Variants in FAAP20 observed in about 807,000 individuals in gnomAD.
FAAP20 encodes the protein FA core complex associated protein 20.
In FAAP20, 12 loss-of-function variants were observed where a neutral mutation model predicts 16.2. The observed-to-expected ratio is 0.74, with a 90% CI of 0.48 to 1.20. The LOEUF (loss-of-function observed/expected upper bound fraction) is 1.20. FAAP20 is among the 50% of genes most tolerant of loss of function. The pLI is 0.00. For missense variants in FAAP20, 288 were observed against 245.8 expected (o/e 1.17, Z -1.15); for synonymous variants, 141 against 110.7 (o/e 1.27, Z -1.72).
upstream of FAAP20, among the ~76,000 whole-genome samples, chr1:2,197,176 G>A (rs1688860518): frequency 6.6e-6 from 1 of 152,222 alleles, no homozygotes; most frequent in Non-Finnish European, 1.5e-5. Context: ...CCATGTGAGG[G>A]ACACCTGTGT....
chr1:2,197,942 T>C (rs1161473471), upstream of FAAP20: 1 of 1,252,980 alleles, frequency 8.0e-7, no homozygotes, highest in African/African-American at 1.5e-5. Context: ...GCCGAGGGCC[T>C]GGAAGGGGAC....
At chr1:2,187,285 C>CTT (rs70954587), downstream of FAAP20, 575 of 327,122 alleles carry the variant, frequency 1.8e-3, no homozygotes, top group South Asian at 4.9e-3. Flanking sequence ...AAGCCATTTT[C>CTT]TTTTTTTTTT....
chr1:2,193,934 T>A, intron 2 of FAAP20, 24 bp from the exon 3 acceptor site: 1 of 1,612,324 alleles, frequency 6.2e-7, no homozygotes, highest in Non-Finnish European at 8.5e-7. Context: ...TTGTTGGGCC[T>A]TGCCCAGCGA....
chr1:2,198,006 C>G, upstream of FAAP20: 1 of 1,289,622 alleles, frequency 7.8e-7, no homozygotes, highest in Non-Finnish European at 1.0e-6. Flanking sequence ...AACAAACATA[C>G]CTTGTCCTGC....
At chr1:2,192,895 C>T (rs1305563383) in intron 3 of FAAP20, 20 of 1,302,600 alleles carry the variant, frequency 1.5e-5, no homozygotes, top group South Asian at 3.7e-5. Flanking sequence ...CCACCGTGCC[C>T]GGCCTTTTCT....
upstream of FAAP20, chr1:2,198,845 CCAGG>C (rs1374590563): frequency 1.6e-6 from 2 of 1,289,782 alleles, no homozygotes; most frequent in Admixed American, 2.3e-5. Context: ...CCCGTGGATG[CCAGG>C]CAGGCACGCC....
chr1:2,191,518 C>A (rs547344860), intron 3 of FAAP20: 24 of 152,462 alleles, frequency 1.6e-4, no homozygotes, highest in African/African-American at 5.8e-4. Context: ...GAGGCCGAGA[C>A]GGGCGGATCA....
rs2100639157 is a variant in FAAP20, at chr1:2,189,559, CACAGAG to C, written c.*144_*149del. The C allele has an allele frequency of 1.5e-5, 10 of 686,728 alleles. 1 individual carries two copies. The highest frequency in any genetic ancestry group is 9.6e-5 in the South Asian group (6 of 62,544). 42.5% of individuals were successfully genotyped at this position (686,728 alleles called of 1,614,324 possible). On this transcript the variant is annotated 3_prime_UTR_variant, in exon 4 of 4. Transcript: ENST00000378546. The stretch of plus-strand genomic sequence containing the variant: ...AAAAGCGGCAGACGTTTCATCACAA[CACAGAG>C]ACAGACAGGAGCCCGCCCTGCTTTA...
downstream of FAAP20, chr1:2,184,541 A>G: frequency 6.7e-7 from 1 of 1,489,288 alleles, no homozygotes; most frequent in Non-Finnish European, 9.3e-7. Flanking sequence ...GGTAGGGATG[A>G]TGCCCGCGCG....
chr1:2,204,884 C>G (rs1464166715), upstream of FAAP20, among the ~76,000 whole-genome samples: 1 of 145,366 alleles, frequency 6.9e-6, no homozygotes. Context: ...CCTCCCACGC[C>G]CCGCCCTCAA....
At chr1:2,201,361 C>G, upstream of FAAP20, 2 of 594,920 alleles carry the variant, frequency 3.4e-6, no homozygotes, top group Non-Finnish European at 2.2e-6. Context: ...GGGCAGGGAG[C>G]AAGAAGGCAC....
upstream of FAAP20, among the ~76,000 whole-genome samples, chr1:2,202,307 C>A (rs780397901): frequency 2.6e-5 from 4 of 152,164 alleles, no homozygotes; most frequent in South Asian, 2.1e-4. Flanking sequence ...CCCATCACCA[C>A]GAGCCCCAGC....
At chr1:2,192,487 G>T (rs2100669780) in intron 3 of FAAP20, 1 of 995,884 alleles carries the variant, frequency 1.0e-6, no homozygotes, top group East Asian at 1.0e-4. Flanking sequence ...TCTTTTTTTA[G>T]ACTATCTGGA....
upstream of FAAP20, among the ~76,000 whole-genome samples, chr1:2,204,173 C>T (rs1201521237): frequency 2.0e-5 from 3 of 152,256 alleles, no homozygotes; most frequent in Non-Finnish European, 2.9e-5. Flanking sequence ...CAACACCCAG[C>T]GGCTGCACTG....
upstream of FAAP20, chr1:2,197,859 G>A: frequency 1.2e-6 from 1 of 800,346 alleles, no homozygotes; most frequent in South Asian, 1.7e-5. Flanking sequence ...GCACGTGGCG[G>A]GTGCCTCCAC....
intron 1 of FAAP20, 109 bp downstream of exon 1, chr1:2,194,579 G>T: frequency 4.3e-6 from 2 of 469,508 alleles, no homozygotes; most frequent in Non-Finnish European, 6.0e-6. Flanking sequence ...GGGCCCGGGG[G>T]CAGGGAGCCC....
At chr1:2,187,219 T>C (rs1426289849), downstream of FAAP20, 6 of 468,642 alleles carry the variant, frequency 1.3e-5, no homozygotes, top group Non-Finnish European at 2.7e-5. Context: ...TTAATGGAAA[T>C]GTTCACATTA....
At chr1:2,200,499 C>T (rs75285928), upstream of FAAP20, 751 of 394,380 alleles carry the variant, frequency 1.9e-3, 25 homozygotes, top group East Asian at 0.079. Flanking sequence ...TGCCGGGGGC[C>T]CGGGGCTGGA....
chr1:2,194,793 CCCCTCCAGGCCCCG>C, upstream of FAAP20: 1 of 1,058,714 alleles, frequency 9.4e-7, no homozygotes, highest in Non-Finnish European at 1.2e-6. Context: ...CCCGCCCCCG[CCCCTCCAGGCCCCG>C]CCCCCGCCCC....
Sources: allele counts gnomAD v4.1 joint callset (sites outside exome capture counted in the v4.1 genomes callset), GRCh38; gene constraint gnomAD v4.1.1; transcripts MANE v1.5; gene names NCBI Gene and HGNC (gene_info 2026-07-23, HGNC 2026-07-21).